The following THRB variants were observed in gnomAD, a reference collection of about 807,000 sequenced individuals.
THRB encodes the protein nuclear receptor subfamily 1 group A member 2.
THRB carries 12 observed loss-of-function variants against 47.8 expected under a neutral mutation model. The ratio of observed to expected loss-of-function variants is 0.25; its 90% CI spans 0.16 to 0.41. The LOEUF is 0.41. THRB is among the 10% of genes least tolerant of loss of function. The pLI is 1.00. For missense variants in THRB, 348 were observed against 589.2 expected (o/e 0.59, Z 4.24); for synonymous variants, 218 against 212.2 (o/e 1.03, Z -0.24).
intron 1 of THRB, chr3:24,431,205 G>A (rs2070359650): frequency 1.4e-5 from 2 of 147,090 alleles, no homozygotes; most frequent in South Asian, 4.3e-4. Flanking sequence ...CCAAAAATTG[G>A]GAGAACTTTG....
chr3:24,380,525 C>T (rs2065622469), intron 1 of THRB, among the ~76,000 whole-genome samples: 1 of 152,120 alleles, frequency 6.6e-6, no homozygotes, highest in Admixed American at 6.6e-5. Context: ...AGTCCATTCA[C>T]TTTTCACAAC....
intron 1 of THRB, among the ~76,000 whole-genome samples, chr3:24,439,045 G>A (rs1316316083): frequency 6.6e-6 from 1 of 152,176 alleles, no homozygotes; most frequent in Non-Finnish European, 1.5e-5. Flanking sequence ...GCTCTGGGGT[G>A]TAAATCACTC....
intron 2 of THRB, among the ~76,000 whole-genome samples, chr3:24,307,710 A>G (rs2057455538): frequency 6.6e-6 from 1 of 152,200 alleles, no homozygotes; most frequent in African/African-American, 2.4e-5. Context: ...AAGAATATGA[A>G]TAGTTAGTAT....
chr3:24,336,586 T>C (rs2062267382), intron 2 of THRB, among the ~76,000 whole-genome samples: 1 of 152,218 alleles, frequency 6.6e-6, no homozygotes, highest in Non-Finnish European at 1.5e-5. Context: ...GTGATCTGAA[T>C]GGTTGCTTGA....
chr3:24,466,090 A>G (rs1384005481), intron 1 of THRB, among the ~76,000 whole-genome samples: 1 of 152,154 alleles, frequency 6.6e-6, no homozygotes, highest in Admixed American at 6.5e-5. Context: ...AGAATAAGCA[A>G]TCAGCTGGTT....
chr3:24,329,775 T>C (rs944539271), intron 2 of THRB, among the ~76,000 whole-genome samples: 7 of 152,240 alleles, frequency 4.6e-5, no homozygotes, highest in Non-Finnish European at 8.8e-5. Context: ...AAACTCTAGT[T>C]GTCTTGATGA....
intron 1 of THRB, among the ~76,000 whole-genome samples, chr3:24,477,038 G>C (rs114771945): frequency 0.017 from 2,415 of 144,682 alleles, 90 homozygotes; most frequent in African/African-American, 0.059. Context: ...TGTAACCCCA[G>C]TCAGAATTCC....
intron 5 of THRB, among the ~76,000 whole-genome samples, chr3:24,162,031 C>T (rs1034447050): frequency 1.4e-4 from 22 of 152,086 alleles, no homozygotes; most frequent in Admixed American, 3.9e-4. Context: ...TCAACAGACC[C>T]GGCTGGTCCA....
At chr3:24,356,496 T>C (rs1577067607) in intron 1 of THRB, among the ~76,000 whole-genome samples, 1 of 152,168 alleles carries the variant, frequency 6.6e-6, no homozygotes, top group South Asian at 2.1e-4. Flanking sequence ...GCTTCTTTCA[T>C]TCTGTCCTGT....
At chr3:24,425,135 G>C (rs1411750544) in intron 1 of THRB, among the ~76,000 whole-genome samples, 1 of 151,220 alleles carries the variant, frequency 6.6e-6, no homozygotes, top group Non-Finnish European at 1.5e-5. Context: ...CCATTCTTGG[G>C]ATCAGTTTTC....
intron 4 of THRB, among the ~76,000 whole-genome samples, chr3:24,223,083 TTC>T (rs754440511): frequency 6.6e-6 from 1 of 152,074 alleles, no homozygotes; most frequent in African/African-American, 2.4e-5. Flanking sequence ...CTCCTTTGGC[TTC>T]TGTTATTACT....
At chr3:24,259,743 G>A (rs2051746526) in intron 3 of THRB, among the ~76,000 whole-genome samples, 1 of 150,596 alleles carries the variant, frequency 6.6e-6, no homozygotes, top group African/African-American at 2.4e-5. Flanking sequence ...GCATTTAAAG[G>A]AAGTTCTATT....
intron 1 of THRB, among the ~76,000 whole-genome samples, chr3:24,379,952 C>A (rs1376429346): frequency 6.6e-6 from 1 of 151,590 alleles, no homozygotes; most frequent in African/African-American, 2.4e-5. Flanking sequence ...CATGTAGTAA[C>A]TTTACACATT....
chr3:24,285,207 A>G (rs2055135142), intron 3 of THRB, among the ~76,000 whole-genome samples: 1 of 148,778 alleles, frequency 6.7e-6, no homozygotes, highest in Non-Finnish European at 1.5e-5. Flanking sequence ...GATAGACTGG[A>G]TTAAGAAAAT....
intron 2 of THRB, among the ~76,000 whole-genome samples, chr3:24,307,822 C>CCAGGT (rs1220641488): frequency 1.3e-5 from 2 of 152,176 alleles, no homozygotes; most frequent in Non-Finnish European, 2.9e-5. Context: ...AAGATTTCTG[C>CCAGGT]CAGGTTCCAG....
chr3:24,450,938 A>G (rs370163307), intron 1 of THRB, among the ~76,000 whole-genome samples: 2 of 152,218 alleles, frequency 1.3e-5, no homozygotes, highest in African/African-American at 4.8e-5. Flanking sequence ...TTATATTTGC[A>G]GGAAAACATT....
chr3:24,143,792 G>C (rs1019481117), intron 7 of THRB, 86 bp from the exon 8 acceptor site: 79 of 1,373,280 alleles, frequency 5.8e-5, no homozygotes, highest in Middle Eastern at 3.6e-4. Context: ...TCAGGAGTGG[G>C]ACCACTGATG....
At chr3:24,382,068 A>G (rs569952664) in intron 1 of THRB, among the ~76,000 whole-genome samples, 1 of 152,252 alleles carries the variant, frequency 6.6e-6, no homozygotes, top group South Asian at 2.1e-4. Flanking sequence ...GTGGAGAAAC[A>G]GAAAAATATC....
intron 5 of THRB, among the ~76,000 whole-genome samples, chr3:24,164,078 T>C (rs1031614068): frequency 6.6e-6 from 1 of 152,144 alleles, no homozygotes; most frequent in Admixed American, 6.5e-5. Context: ...CTATGCAATA[T>C]CCTATAGATT....
Sources: allele counts gnomAD v4.1 joint callset (sites outside exome capture counted in the v4.1 genomes callset), GRCh38; gene constraint gnomAD v4.1.1; transcripts MANE v1.5; gene names NCBI Gene and HGNC (gene_info 2026-07-23, HGNC 2026-07-21).